The following C3orf49 variants were observed in gnomAD, a reference collection of about 807,000 sequenced individuals.
The protein encoded by C3orf49 is chromosome 3 open reading frame 49.
Under a neutral mutation model 13.3 loss-of-function variants are expected in C3orf49, and 27 were observed. The observed-to-expected ratio is 2.02, with a 90% confidence interval of 1.49 to 2.79. C3orf49 has a LOEUF of 2.79. Ranked by LOEUF, C3orf49 falls within the 30% of genes most tolerant of loss-of-function variation. The pLI, the probability that C3orf49 is intolerant of heterozygous loss-of-function variation, is 0.00. For missense variants in C3orf49, 242 were observed against 134.2 expected (o/e 1.80, Z -3.97); for synonymous variants, 87 against 47.6 (o/e 1.83, Z -3.40).
chr3:63,811,506 C>T, the C3orf49 span, among the ~76,000 whole-genome samples: 3 of 150,484 alleles, frequency 2.0e-5, no homozygotes, highest in East Asian at 2.0e-4. Flanking sequence ...TGCAGTGAGC[C>T]GAGATCATAT....
intron 1 of C3orf49, among the ~76,000 whole-genome samples, chr3:63,821,579 A>G (rs1701395262): frequency 6.6e-6 from 1 of 152,138 alleles, no homozygotes; most frequent in Non-Finnish European, 1.5e-5. Flanking sequence ...TAGTTAAACA[A>G]AGTGTGGTAC....
chr3:63,801,239 C>T, the C3orf49 span, among the ~76,000 whole-genome samples: 1 of 152,074 alleles, frequency 6.6e-6, no homozygotes, highest in Non-Finnish European at 1.5e-5. Flanking sequence ...CAGTTAGTGG[C>T]CACTCCAATA....
intron 4 of C3orf49, 70 bp downstream of exon 4, chr3:63,831,293 G>T (rs1423959799): frequency 8.8e-5 from 60 of 678,124 alleles, no homozygotes; most frequent in Non-Finnish European, 5.6e-5. Flanking sequence ...TAAACGCACA[G>T]CCCTGCTAGA....
rs767026190 is a variant in C3orf49 at position 63,835,132 on chromosome 3, C to T, written c.849+3288C>T. On this transcript the variant is annotated intron_variant, in intron 5 of 6. Transcript: ENST00000295896. ...TTTAAAAAATCTTCATAAGCATTTACTTTGAGACTATTTCTACTTACTTTC... is the reference window on the plus strand; with the variant it reads ...TTTAAAAAATCTTCATAAGCATTTATTTTGAGACTATTTCTACTTACTTTC... 23 of 1,611,054 alleles carry T rather than the reference C, an allele frequency of 1.4e-5. No individual in the cohort carries two copies. In the South Asian group the frequency reaches 2.2e-4, roughly 15 times the overall value.
rs768620827 is a variant in C3orf49, at chr3:63,831,707, G to C, written c.712G>C (p.Asp238His). The change falls in exon 5 of 7, where the codon GAT becomes CAT. Residue 238 changes from aspartate to histidine, a missense_variant. Transcript: ENST00000295896. Reference protein sequence around the residue: ...QVDDLIETVTDKSMKLLAQRH... With the variant: ...QVDDLIETVTHKSMKLLAQRH... The stretch of plus-strand genomic sequence containing the variant: ...GGATGACCTCATAGAAACAGTGACT[G>C]ATAAATCCATGAAGCTACTGGCCCA... 7.1e-6 allele frequency: 5 copies of C among 703,136 alleles called. No homozygotes were observed. In the South Asian group the frequency reaches 7.4e-5, roughly 10 times the overall value. The allele number at this position is 703,136 out of a possible 1,614,324, so 43.6% of individuals were successfully genotyped here.
chr3:63,799,767 G>A, the C3orf49 span, among the ~76,000 whole-genome samples: 1 of 152,114 alleles, frequency 6.6e-6, no homozygotes, highest in Non-Finnish European at 1.5e-5. Flanking sequence ...CAGCAAAGCA[G>A]AAATGTTAAG....
intron 3 of C3orf49, 123 bp from the exon 4 acceptor site, chr3:63,830,987 T>G: frequency 1.6e-6 from 1 of 611,294 alleles, no homozygotes; most frequent in Non-Finnish European, 2.9e-6. Flanking sequence ...AATCCAATAT[T>G]GTTATGTGGC....
chr3:63,806,982 C>T, the C3orf49 span, among the ~76,000 whole-genome samples: 3 of 151,690 alleles, frequency 2.0e-5, no homozygotes, highest in South Asian at 2.1e-4. Context: ...GACGGAGTCT[C>T]GCTCTGTGGC....
chr3:63,800,013 C>T, the C3orf49 span, among the ~76,000 whole-genome samples: 5 of 152,100 alleles, frequency 3.3e-5, no homozygotes, highest in Non-Finnish European at 7.3e-5. Context: ...TAGGTTGGGT[C>T]GGCCTGCACA....
At chr3:63,785,097 G>A in the C3orf49 span, among the ~76,000 whole-genome samples, 1 of 91,188 alleles carries the variant, frequency 1.1e-5, no homozygotes, top group African/African-American at 4.6e-5. Flanking sequence ...TTTTGAGACA[G>A]TGTCTTGCTC....
chr3:63,834,285 TATTAGCCAATACAATTAAAGCTAAG>T, intron 5 of C3orf49: 1 of 1,295,990 alleles, frequency 7.7e-7, no homozygotes, highest in Non-Finnish European at 1.1e-6. Flanking sequence ...GTTTATCCTT[TATTAGCCAATACAATTAAAGCTAAG>T]ATGGCTACTA....
intron 1 of C3orf49, among the ~76,000 whole-genome samples, chr3:63,819,904 G>A (rs1024159392): frequency 3.9e-5 from 6 of 152,120 alleles, no homozygotes; most frequent in Non-Finnish European, 5.9e-5. Context: ...CTCACATCCC[G>A]TGAAAATACT....
At chr3:63,796,559 C>G in the C3orf49 span, among the ~76,000 whole-genome samples, 1 of 152,128 alleles carries the variant, frequency 6.6e-6, no homozygotes, top group African/African-American at 2.4e-5. Context: ...GGGCCTTTGT[C>G]AGCAACATTC....
At position 63,834,160 on chromosome 3, in the gene C3orf49, G is replaced by C. The variant is rs1416138389; in HGVS notation, c.849+2316G>C. 1 of 1,614,030 alleles carries C rather than the reference G, an allele frequency of 6.2e-7. No individual in the cohort carries two copies. The highest frequency in any genetic ancestry group is 1.7e-5 in the Admixed American group (1 of 60,014). ...TGGCTTAGGATCTGTTTCCATGCTT[G>C]CTTCCTGAGCTTCTTCTACCTCTGA... On this transcript the variant is annotated intron_variant, in intron 5 of 6. Transcript: ENST00000295896.
At chr3:63,782,338 A>G in the C3orf49 span, 1 of 152,030 alleles carries the variant, frequency 6.6e-6, no homozygotes, top group African/African-American at 2.4e-5. Context: ...CTCAAAAAAA[A>G]CAAACAAACA....
At position 63,837,965 on chromosome 3, in the gene C3orf49, A is replaced by C. The variant is rs200510475; in HGVS notation, c.849+6121A>C. 95 of 1,605,794 alleles carry C rather than the reference A, an allele frequency of 5.9e-5. No individual in the cohort carries two copies. The African/African-American group carries it at 1.2e-3, about 20-fold the overall frequency. On this transcript the variant is annotated intron_variant, in intron 5 of 6. Transcript: ENST00000295896. ...AATGTATTTGCACATTAAATCCCTC[A>C]AAACCCTTACCTTGGCGATTTTTTC... is the stretch of plus-strand genomic sequence containing the variant.
chr3:63,823,161 T>G, intron 1 of C3orf49, 89 bp from the exon 2 acceptor site: 1 of 589,798 alleles, frequency 1.7e-6, no homozygotes, highest in South Asian at 2.1e-5. Flanking sequence ...TATAATTGGT[T>G]CACATTTGAA....
chr3:63,793,217 T>G, the C3orf49 span, among the ~76,000 whole-genome samples: 1 of 152,264 alleles, frequency 6.6e-6, no homozygotes, highest in East Asian at 1.9e-4. Context: ...AAGCATAAAT[T>G]ATAATCAATG....
chr3:63,786,091 G>A, the C3orf49 span: 1 of 152,124 alleles, frequency 6.6e-6, no homozygotes, highest in East Asian at 1.9e-4. Context: ...GGACAGTAAA[G>A]AGAAAGCAAA....
Sources: allele counts gnomAD v4.1 joint callset (sites outside exome capture counted in the v4.1 genomes callset), GRCh38; gene constraint gnomAD v4.1.1; transcripts MANE v1.5; gene names NCBI Gene and HGNC (gene_info 2026-07-23, HGNC 2026-07-21).